The following KCNH8 variants were observed in gnomAD, a reference collection of about 807,000 sequenced individuals.
KCNH8 encodes potassium voltage-gated channel subfamily H member 8, also known as voltage-gated delayed rectifier potassium channel KCNH8.
A neutral mutation model predicts 103.6 loss-of-function variants in KCNH8; 70 were observed. The observed-to-expected ratio is 0.68, with a 90% confidence interval of 0.56 to 0.82. KCNH8 has a LOEUF of 0.82. Ranked by LOEUF, KCNH8 falls within the 40% of genes least tolerant of loss-of-function variation. The probability of loss-of-function intolerance (pLI) is 0.00; values close to 1 mark genes in which losing one functional copy is unlikely to be tolerated. For missense variants in KCNH8, 1,217 were observed against 1,329.9 expected (o/e 0.92, Z 1.32); for synonymous variants, 498 against 489.4 (o/e 1.02, Z -0.23).
At chr3:19,233,622 C>T (rs149422418) in intron 1 of KCNH8, among the ~76,000 whole-genome samples, 22 of 152,100 alleles carry the variant, frequency 1.4e-4, no homozygotes, top group African/African-American at 5.3e-4. Flanking sequence ...AACATCAGTT[C>T]CCAGCCTGGG....
At chr3:19,248,209 G>A (rs1428367813) in intron 1 of KCNH8, among the ~76,000 whole-genome samples, 1 of 152,064 alleles carries the variant, frequency 6.6e-6, no homozygotes, top group South Asian at 2.1e-4. Context: ...AAATTTGTTG[G>A]CCAGTAGAAG....
chr3:19,213,124 C>T (rs1391410020), intron 1 of KCNH8, among the ~76,000 whole-genome samples: 1 of 152,186 alleles, frequency 6.6e-6, no homozygotes, highest in East Asian at 1.9e-4. Flanking sequence ...TCTACAGCAT[C>T]CTTTACTGAT....
intron 3 of KCNH8, among the ~76,000 whole-genome samples, chr3:19,331,350 G>C (rs1424260029): frequency 6.6e-6 from 1 of 151,448 alleles, no homozygotes; most frequent in East Asian, 1.9e-4. Flanking sequence ...GGAGTGCAAT[G>C]GTGCAGTCTC....
At chr3:19,159,868 C>T (rs1161902531) in intron 1 of KCNH8, among the ~76,000 whole-genome samples, 1 of 151,828 alleles carries the variant, frequency 6.6e-6, no homozygotes. Flanking sequence ...GTTACCAGCC[C>T]ACAAGTTAGT....
intron 1 of KCNH8, among the ~76,000 whole-genome samples, chr3:19,165,216 T>C (rs2063271227): frequency 6.6e-6 from 1 of 152,188 alleles, no homozygotes; most frequent in Non-Finnish European, 1.5e-5. Context: ...GAGTTAAAAC[T>C]ACAGCACTAT....
At chr3:19,370,335 C>T (rs2066071347) in intron 5 of KCNH8, among the ~76,000 whole-genome samples, 1 of 152,008 alleles carries the variant, frequency 6.6e-6, no homozygotes, top group African/African-American at 2.4e-5. Context: ...ATATCAGGTG[C>T]TTCATAAATA....
At chr3:19,340,245 T>C (rs970616014) in intron 3 of KCNH8, among the ~76,000 whole-genome samples, 4 of 152,100 alleles carry the variant, frequency 2.6e-5, no homozygotes, top group African/African-American at 9.7e-5. Context: ...CAAAGAGCTT[T>C]TATAATAGTA....
intron 7 of KCNH8, among the ~76,000 whole-genome samples, chr3:19,405,366 GTATC>G (rs1379675193): frequency 6.6e-6 from 1 of 151,710 alleles, no homozygotes; most frequent in African/African-American, 2.4e-5. Context: ...CAAATAATAT[GTATC>G]TAATAATGTT....
intron 8 of KCNH8, among the ~76,000 whole-genome samples, chr3:19,449,688 A>G (rs920288533): frequency 6.6e-6 from 1 of 152,106 alleles, no homozygotes; most frequent in Non-Finnish European, 1.5e-5. Context: ...TAATTATTAA[A>G]CTATAACTTT....
intron 2 of KCNH8, among the ~76,000 whole-genome samples, chr3:19,267,469 A>G (rs1486350786): frequency 6.6e-6 from 1 of 152,066 alleles, no homozygotes; most frequent in Admixed American, 6.6e-5. Context: ...TTTCAGATGC[A>G]TATTTGAGAA....
intron 11 of KCNH8, among the ~76,000 whole-genome samples, chr3:19,479,129 C>G (rs2068035384): frequency 6.6e-6 from 1 of 152,140 alleles, no homozygotes; most frequent in Admixed American, 6.5e-5. Context: ...GGGTTCCATC[C>G]CCTGGCGCAC....
At chr3:19,214,363 G>A (rs2063799126) in intron 1 of KCNH8, among the ~76,000 whole-genome samples, 1 of 152,146 alleles carries the variant, frequency 6.6e-6, no homozygotes, top group Non-Finnish European at 1.5e-5. Flanking sequence ...TAGGAGCATT[G>A]GCCACAAAAC....
chr3:19,425,083 A>C (rs2067008527), intron 7 of KCNH8, among the ~76,000 whole-genome samples: 1 of 152,210 alleles, frequency 6.6e-6, no homozygotes, highest in Non-Finnish European at 1.5e-5. Flanking sequence ...ACCTTGAAAG[A>C]AAAGGAAAAC....
chr3:19,175,241 A>G (rs1036982988), intron 1 of KCNH8, among the ~76,000 whole-genome samples: 5 of 120,610 alleles, frequency 4.1e-5, no homozygotes, highest in Non-Finnish European at 6.5e-5. Context: ...TTTTTTTTTG[A>G]GACGGAGTCT....
intron 5 of KCNH8, among the ~76,000 whole-genome samples, chr3:19,349,336 T>C (rs1363314817): frequency 6.6e-6 from 1 of 151,862 alleles, no homozygotes; most frequent in African/African-American, 2.4e-5. Flanking sequence ...TCCTTTTACT[T>C]TGCCAACATT....
intron 11 of KCNH8, among the ~76,000 whole-genome samples, chr3:19,504,968 T>TAC (rs749452701): frequency 6.7e-6 from 1 of 149,130 alleles, no homozygotes; most frequent in African/African-American, 2.5e-5. Flanking sequence ...AAATGTGAGA[T>TAC]ATATATATAT....
chr3:19,258,081 C>A (rs1171124513), intron 2 of KCNH8, among the ~76,000 whole-genome samples: 1 of 151,896 alleles, frequency 6.6e-6, no homozygotes, highest in East Asian at 1.9e-4. Context: ...ACTCTAATGA[C>A]CTCCTTTTAA....
intron 2 of KCNH8, among the ~76,000 whole-genome samples, chr3:19,262,199 G>A (rs773906336): frequency 1.2e-4 from 18 of 151,794 alleles, no homozygotes; most frequent in Non-Finnish European, 2.2e-4. Context: ...GTTGGGTAGT[G>A]TGGACATTTT....
intron 7 of KCNH8, among the ~76,000 whole-genome samples, chr3:19,431,635 G>GT (rs1263421188): frequency 1.3e-5 from 2 of 151,838 alleles, no homozygotes; most frequent in East Asian, 1.9e-4. Context: ...GTTTTGTTTT[G>GT]TTTTTTGTTT....
Sources: gnomAD v4.1 joint callset for allele counts (sites outside exome capture counted in the v4.1 genomes callset) on GRCh38, gnomAD v4.1.1 for gene constraint, MANE v1.5 for transcripts, NCBI Gene and HGNC (gene_info 2026-07-23, HGNC 2026-07-21) for gene names.